The following RABEP1 variants were observed in gnomAD, a reference collection of about 807,000 sequenced individuals.
RABEP1 encodes rabaptin, RAB GTPase binding effector protein 1.
In RABEP1, 51 loss-of-function variants were observed where a neutral mutation model predicts 123.4. The observed-to-expected ratio is 0.41, with a 90% CI of 0.33 to 0.52. RABEP1 has a LOEUF of 0.52. Among genes scored for constraint, RABEP1 ranks in the 20% least tolerant of loss-of-function variants. RABEP1 has a pLI of 0.16. For missense variants in RABEP1, 888 were observed against 996.3 expected (o/e 0.89, Z 1.46); for synonymous variants, 347 against 355.2 (o/e 0.98, Z 0.26).
At position 5,325,196 on chromosome 17, in the gene RABEP1, C is replaced by T. The variant is rs570563640; in HGVS notation, c.164-6753C>T. ...AAAAAAAACCCAAAAATTATCTAGG[C>T]GTAGTGGTGCCTGCGTGTAATCCCA... On this transcript the variant is annotated intron_variant, in intron 2 of 17. Coordinates refer to ENST00000537505, the MANE Select transcript of RABEP1 (RefSeq NM_004703.6). 2.2e-4 allele frequency among the ~76,000 whole-genome samples: 34 copies of T among 151,890 alleles called. 1 individual carries two copies. Among genetic ancestry groups the T allele is most frequent in the Non-Finnish European group, 3.1e-4 (21 of 67,974 alleles).
At chr17:5,342,037 C>G (rs1907660744) in intron 5 of RABEP1, among the ~76,000 whole-genome samples, 1 of 152,162 alleles carries the variant, frequency 6.6e-6, no homozygotes, top group Admixed American at 6.5e-5. Flanking sequence ...GAGACTGATT[C>G]AATTGTCTGT....
chr17:5,337,457 G>A (rs1335947472), intron 4 of RABEP1, among the ~76,000 whole-genome samples: 2 of 152,118 alleles, frequency 1.3e-5, no homozygotes, highest in South Asian at 2.1e-4. Flanking sequence ...AGGCCGAGGC[G>A]GGCGGATCAT....
intron 7 of RABEP1, among the ~76,000 whole-genome samples, chr17:5,352,197 T>C (rs535629731): frequency 1.8e-4 from 27 of 152,148 alleles, no homozygotes; most frequent in African/African-American, 6.5e-4. Flanking sequence ...GGATTTTTTT[T>C]TTTCTTTTTT....
chr17:5,366,424 T>G (rs1260940599), intron 11 of RABEP1, among the ~76,000 whole-genome samples: 1 of 152,118 alleles, frequency 6.6e-6, no homozygotes, highest in Non-Finnish European at 1.5e-5. Context: ...GTGTTGCAGG[T>G]GTCTTTTACT....
chr17:5,314,234 CT>C (rs71151864), intron 2 of RABEP1, among the ~76,000 whole-genome samples: 456 of 55,560 alleles, frequency 8.2e-3, no homozygotes, highest in Non-Finnish European at 0.013. Flanking sequence ...AGTACCTATT[CT>C]TTTTTTTTTT....
At chr17:5,351,378 A>T (rs1433995430) in intron 7 of RABEP1, among the ~76,000 whole-genome samples, 1 of 152,116 alleles carries the variant, frequency 6.6e-6, no homozygotes, top group Non-Finnish European at 1.5e-5. Flanking sequence ...AACATCTCCC[A>T]CACCTCCCCT....
intron 1 of RABEP1, among the ~76,000 whole-genome samples, chr17:5,292,310 T>A (rs1030002830): frequency 1.9e-4 from 29 of 152,314 alleles, no homozygotes; most frequent in East Asian, 3.9e-4. Flanking sequence ...TTTGATTTTT[T>A]AAAAAATATA....
At chr17:5,341,357 A>G (rs1231637186) in intron 5 of RABEP1, among the ~76,000 whole-genome samples, 2 of 152,244 alleles carry the variant, frequency 1.3e-5, no homozygotes, top group African/African-American at 2.4e-5. Context: ...ATTTGAAAAC[A>G]GATGAAAAAA....
chr17:5,359,363 T>C (rs969483312), intron 8 of RABEP1, among the ~76,000 whole-genome samples: 4 of 152,294 alleles, frequency 2.6e-5, no homozygotes, highest in South Asian at 2.1e-4. Context: ...TGTGAGCCAC[T>C]GCGCCCAGCC....
At chr17:5,287,004 T>G (rs1036502628) in intron 1 of RABEP1, among the ~76,000 whole-genome samples, 190 of 152,090 alleles carry the variant, frequency 1.2e-3, no homozygotes, top group African/African-American at 4.5e-3. Flanking sequence ...CAGGGATCAG[T>G]TTTTGCATAT....
intron 1 of RABEP1, among the ~76,000 whole-genome samples, chr17:5,293,349 T>A (rs1422267492): frequency 6.6e-6 from 1 of 152,206 alleles, no homozygotes; most frequent in Non-Finnish European, 1.5e-5. Context: ...GTATATAATA[T>A]CTTCATAGAC....
rs1567561564 is a variant in RABEP1 at position 5,385,497 on chromosome 17, C to G, written c.*2274C>G. ...TAGTACCTTTCAGAACTCACATTGG[C>G]AAGTGTAAAAAGATGACTTAAGGTG... is the stretch of plus-strand genomic sequence containing the variant. On this transcript the variant is annotated 3_prime_UTR_variant, in exon 18 of 18. Coordinates refer to ENST00000537505, the MANE Select transcript of RABEP1 (RefSeq NM_004703.6). The G allele has an allele frequency of 1.3e-5, 3 of 230,422 alleles. No homozygotes were observed. Among genetic ancestry groups the G allele is most frequent in the Admixed American group, 5.7e-5 (1 of 17,694 alleles). The allele number at this position is 230,422 out of a possible 1,614,324, so 14.3% of individuals were successfully genotyped here.
intron 1 of RABEP1, among the ~76,000 whole-genome samples, chr17:5,305,602 A>G (rs1350912754): frequency 6.6e-6 from 1 of 152,148 alleles, no homozygotes; most frequent in Non-Finnish European, 1.5e-5. Flanking sequence ...TATTAGAGAA[A>G]AATAAGAACA....
intron 11 of RABEP1, among the ~76,000 whole-genome samples, chr17:5,366,958 G>A (rs890814920): frequency 4.6e-5 from 7 of 151,170 alleles, no homozygotes; most frequent in African/African-American, 1.2e-4. Context: ...GTGTTTCGGC[G>A]CATTCCTGTA....
chr17:5,367,245 T>TACACACAC (rs145302611), intron 11 of RABEP1, among the ~76,000 whole-genome samples: 5,591 of 147,704 alleles, frequency 0.038, 238 homozygotes, highest in African/African-American at 0.11. Context: ...AGAACTTAGA[T>TACACACAC]ACACACACAC....
chr17:5,336,570 G>GT (rs1216842283), intron 4 of RABEP1: 7 of 416,960 alleles, frequency 1.7e-5, no homozygotes, highest in Non-Finnish European at 3.2e-5. Flanking sequence ...GATTTTTCTT[G>GT]TTTTTAATGA....
At chr17:5,341,280 AAAG>A (rs1907581503) in intron 5 of RABEP1, among the ~76,000 whole-genome samples, 1 of 152,182 alleles carries the variant, frequency 6.6e-6, no homozygotes, top group Non-Finnish European at 1.5e-5. Context: ...GTCTTAAAAA[AAAG>A]AACATAACTA....
chr17:5,373,209 T>G (rs1910665923), intron 12 of RABEP1, 105 bp from the exon 13 acceptor site: 1 of 1,048,944 alleles, frequency 9.5e-7, no homozygotes, highest in African/African-American at 1.6e-5. Flanking sequence ...CCATACCCCG[T>G]CCATCCTCAG....
At chr17:5,361,810 T>C (rs1411564996) in intron 9 of RABEP1, 135 bp downstream of exon 9, 3 of 698,770 alleles carry the variant, frequency 4.3e-6, no homozygotes, top group Non-Finnish European at 7.1e-6. Context: ...GATATTAACG[T>C]GTGTCACCTG....
Sources: gnomAD v4.1 joint callset for allele counts (sites outside exome capture counted in the v4.1 genomes callset) on GRCh38, gnomAD v4.1.1 for gene constraint, MANE v1.5 for transcripts, NCBI Gene and HGNC (gene_info 2026-07-23, HGNC 2026-07-21) for gene names.